UACA: variants seen among roughly 807,000 people sequenced by gnomAD.
UACA encodes the protein nuclear membrane binding protein.
UACA carries 112 observed loss-of-function variants against 160.5 expected under a neutral mutation model. The observed-to-expected ratio is 0.70, with a 90% CI of 0.60 to 0.82. UACA has a LOEUF of 0.82. Among genes scored for constraint, UACA ranks in the 40% least tolerant of loss-of-function variants. UACA has a pLI of 0.00. For missense variants in UACA, 1,574 were observed against 1,614.6 expected, an observed-to-expected ratio of 0.97 and a Z score of 0.43; for synonymous variants, 557 against 568.4, an observed-to-expected ratio of 0.98 and a Z score of 0.29.
intron 1 of UACA, chr15:70,702,139 C>T: frequency 7.7e-7 from 1 of 1,297,068 alleles, no homozygotes. Flanking sequence ...CAATGCAGAA[C>T]TTGATTAAGA....
chr15:70,680,777 C>T (rs1168178122), intron 9 of UACA, among the ~76,000 whole-genome samples: 1 of 152,188 alleles, frequency 6.6e-6, no homozygotes, highest in African/African-American at 2.4e-5. Context: ...TATTAGCACA[C>T]TAAAAGAACC....
At chr15:70,725,610 T>C (rs1899120958) in intron 1 of UACA, among the ~76,000 whole-genome samples, 2 of 152,306 alleles carry the variant, frequency 1.3e-5, no homozygotes, top group South Asian at 4.2e-4. Context: ...GGACCTCTCA[T>C]GGTGGATCTC....
At chr15:70,754,328 G>A (rs933875165) in intron 1 of UACA, among the ~76,000 whole-genome samples, 2 of 152,068 alleles carry the variant, frequency 1.3e-5, no homozygotes, top group Non-Finnish European at 2.9e-5. Context: ...TTGAGTACCC[G>A]TACAACTATT....
Position 70,761,977 on chromosome 15 carries a change from G to C in UACA, c.78+1353C>G, listed in dbSNP as rs1287422752. On this transcript the variant is annotated intron_variant, in intron 1 of 18. Coordinates refer to ENST00000322954, the MANE Select transcript of UACA (RefSeq NM_018003.4). ...TTCTATAAGGCTAAAAACACAACTT[G>C]CATTACAGAAGTAGAATCTTAACTG... Among the ~76,000 whole-genome samples the C allele has an allele frequency of 1.4e-4, 22 of 152,006 alleles. 1 individual carries two copies.
chr15:70,738,661 G>A (rs947177197), intron 1 of UACA, among the ~76,000 whole-genome samples: 1 of 152,040 alleles, frequency 6.6e-6, no homozygotes, highest in Non-Finnish European at 1.5e-5. Context: ...CTCATCTCGG[G>A]ATCTTTTAAC....
intron 12 of UACA, 101 bp downstream of exon 12, chr15:70,677,007 A>C: frequency 1.2e-6 from 1 of 865,638 alleles, no homozygotes; most frequent in South Asian, 1.9e-5. Context: ...CCAGAAATAG[A>C]ATCCTGGTCT....
Position 70,691,263 on chromosome 15 carries a change from A to G in UACA, c.366+36T>C, listed in dbSNP as rs1897923902. 7 of 1,464,474 alleles carry G rather than the reference A, an allele frequency of 4.8e-6. No individual in the cohort carries two copies. In the African/African-American group the frequency reaches 7.1e-5, roughly 15 times the overall value. 90.7% of individuals were successfully genotyped at this position (1,464,474 alleles called of 1,614,324 possible). On this transcript the variant is annotated intron_variant, in intron 4 of 18. Coordinates refer to ENST00000322954, the MANE Select transcript of UACA (RefSeq NM_018003.4). ...AAAGTACATCTATGATTTGTTGTCA[A>G]AATAATAAAGCTAAAGTATTAACCA...
chr15:70,691,409 GTAAA>G (rs767365648), intron 3 of UACA, 46 bp from the exon 4 acceptor site: 1 of 1,361,104 alleles, frequency 7.3e-7, no homozygotes, highest in South Asian at 1.3e-5. Flanking sequence ...TTCTTCATAT[GTAAA>G]TTGAGGATTT....
In UACA at chr15:70,688,175, G is replaced by GT. The variant is rs939924401; in HGVS notation, c.425-356dup. On this transcript the variant is annotated intron_variant, in intron 5 of 18. Transcript: ENST00000322954. ...ACTTGATCCTTGAAGTGTTGGCTCAGTTTTTTTAAAGAATCATATCCATTT... is the reference window on the plus strand; with the variant it reads ...ACTTGATCCTTGAAGTGTTGGCTCAGTTTTTTTTAAAGAATCATATCCATTT... 3.3e-5 allele frequency among the ~76,000 whole-genome samples: 5 copies of GT among 152,124 alleles called. 1 individual carries two copies. In the South Asian group the frequency reaches 8.3e-4, roughly 25 times the overall value.
chr15:70,659,469 C>T lies in UACA; in HGVS notation c.4179+682G>A, dbSNP rs1275319579. On this transcript the variant is annotated intron_variant, in intron 18 of 18. Coordinates refer to ENST00000322954, the MANE Select transcript of UACA (RefSeq NM_018003.4). Reference sequence around the variant, plus strand: ...TAACATACTTCAAATCCAAATAATTCCCAGGATCTCTGTCATTCTAAAATT... The same window carrying T: ...TAACATACTTCAAATCCAAATAATTTCCAGGATCTCTGTCATTCTAAAATT... Among the ~76,000 whole-genome samples, 11 of 112,232 alleles carry T rather than the reference C, an allele frequency of 9.8e-5. No individual in the cohort carries two copies. In the East Asian group the frequency reaches 2.5e-3, roughly 26 times the overall value. The allele number at this position is 112,232 out of a possible 152,430, so 73.6% of individuals were successfully genotyped here.
chr15:70,756,733 C>G (rs542330008), intron 1 of UACA, among the ~76,000 whole-genome samples: 141 of 152,222 alleles, frequency 9.3e-4, no homozygotes, highest in African/African-American at 3.3e-3. Flanking sequence ...ATTAGCCAGG[C>G]ATGGTGGCGG....
At chr15:70,671,205 C>A in intron 14 of UACA, 114 bp from the exon 15 acceptor site, 3 of 705,604 alleles carry the variant, frequency 4.3e-6, no homozygotes, top group South Asian at 4.6e-5. Context: ...GCAAGAGGTA[C>A]AACACAAAAG....
At chr15:70,743,263 G>A (rs1234464751) in intron 1 of UACA, among the ~76,000 whole-genome samples, 2 of 152,208 alleles carry the variant, frequency 1.3e-5, no homozygotes, top group South Asian at 2.1e-4. Context: ...AACAGCTCAT[G>A]TAATTAGAAT....
At chr15:70,713,223 C>T (rs1898735821) in intron 1 of UACA, among the ~76,000 whole-genome samples, 1 of 152,122 alleles carries the variant, frequency 6.6e-6, no homozygotes, top group Admixed American at 6.5e-5. Flanking sequence ...CGGTGGCCGG[C>T]GCCTGTAGTC....
intron 1 of UACA, among the ~76,000 whole-genome samples, chr15:70,710,130 C>T (rs983881782): frequency 1.5e-4 from 23 of 152,092 alleles, no homozygotes; most frequent in African/African-American, 5.3e-4. Context: ...TGGCACACAC[C>T]TCTAGTCCCA....
intron 1 of UACA, among the ~76,000 whole-genome samples, chr15:70,737,781 T>C (rs1281865038): frequency 9.2e-5 from 14 of 152,226 alleles, no homozygotes; most frequent in Non-Finnish European, 4.4e-5. Context: ...AATATAACTA[T>C]TGCTATATAT....
At position 70,671,092 on chromosome 15, in the gene UACA, CTAAA is replaced by C. The variant is rs1158967787; in HGVS notation, c.1169-5_1169-2del. 1 of 1,585,862 alleles carries C rather than the reference CTAAA, an allele frequency of 6.3e-7. No homozygotes were observed. Among genetic ancestry groups the C allele is most frequent in the Non-Finnish European group, 8.6e-7 (1 of 1,161,876 alleles). On this transcript the variant is annotated splice_acceptor_variant and splice_polypyrimidine_tract_variant and intron_variant, in intron 14 of 18. Transcript: ENST00000322954. LOFTEE classifies it high-confidence loss of function. ...TGTTTAAGAAGCATATCTTCTTTTC[CTAAA>C]TAAATGCAAATGAATGACATTTTAA...
chr15:70,704,045 T>G (rs1367369307), intron 1 of UACA, among the ~76,000 whole-genome samples: 1 of 152,216 alleles, frequency 6.6e-6, no homozygotes, highest in Non-Finnish European at 1.5e-5. Flanking sequence ...ATCAGATGTT[T>G]ATCTGTTTAT....
At chr15:70,664,870 A>T in intron 16 of UACA, 56 bp from the exon 17 acceptor site, 1 of 1,442,560 alleles carries the variant, frequency 6.9e-7, no homozygotes, top group Non-Finnish European at 9.4e-7. Context: ...TACAATGAAC[A>T]TCTTTGTACA....
Sources: gnomAD v4.1 joint callset for allele counts (sites outside exome capture counted in the v4.1 genomes callset) on GRCh38, gnomAD v4.1.1 for gene constraint, MANE v1.5 for transcripts, NCBI Gene and HGNC (gene_info 2026-07-23, HGNC 2026-07-21) for gene names.